Variants in THSD7B observed in about 807,000 individuals in gnomAD.
THSD7B encodes the protein thrombospondin type 1 domain containing 7B.
A neutral mutation model predicts 213.6 loss-of-function variants in THSD7B; 138 were observed. The observed-to-expected ratio is 0.65, with a 90% CI of 0.56 to 0.74. The LOEUF is 0.74. THSD7B is among the 30% of genes least tolerant of loss of function. The pLI, the probability that THSD7B is intolerant of heterozygous loss-of-function variation, is 0.00. For synonymous variants in THSD7B, 742 were observed against 687.0 expected (o/e 1.08, Z -1.25); for missense variants, 1,931 against 1,991.5 (o/e 0.97, Z 0.58).
chr2:136,926,282 T>C (rs1218610878), intron 2 of THSD7B, among the ~76,000 whole-genome samples: 1 of 152,162 alleles, frequency 6.6e-6, no homozygotes, highest in Non-Finnish European at 1.5e-5. Context: ...TCTACTTTTT[T>C]TTTATATTGG....
chr2:137,213,829 G>A (rs1008068122), intron 7 of THSD7B, among the ~76,000 whole-genome samples: 1 of 152,048 alleles, frequency 6.6e-6, no homozygotes, highest in African/African-American at 2.4e-5. Context: ...AGGTAGAGTT[G>A]GCTCACAGAG....
chr2:137,072,425 A>T (rs561191710), intron 3 of THSD7B, among the ~76,000 whole-genome samples: 1 of 151,940 alleles, frequency 6.6e-6, no homozygotes, highest in Admixed American at 6.6e-5. Context: ...GGTGTATAAG[A>T]ATGCTTGTGA....
intron 2 of THSD7B, among the ~76,000 whole-genome samples, chr2:136,980,435 C>A (rs1158012282): frequency 6.6e-6 from 1 of 152,144 alleles, no homozygotes; most frequent in Non-Finnish European, 1.5e-5. Flanking sequence ...TCCATAAAGC[C>A]CTGGCTGGAG....
intron 2 of THSD7B, among the ~76,000 whole-genome samples, chr2:137,031,831 C>CTTT (rs542117596): frequency 7.3e-6 from 1 of 137,146 alleles, no homozygotes; most frequent in South Asian, 2.4e-4. Flanking sequence ...CTTTTCTTTC[C>CTTT]TTTTTTTTTT....
intron 1 of THSD7B, among the ~76,000 whole-genome samples, chr2:136,847,439 G>A (rs1333413645): frequency 6.6e-6 from 1 of 152,176 alleles, no homozygotes; most frequent in East Asian, 1.9e-4. Flanking sequence ...TGGAAAGTTT[G>A]GGGGTGATTT....
At chr2:137,106,798 C>T (rs10204258) in intron 4 of THSD7B, among the ~76,000 whole-genome samples, 15 of 152,196 alleles carry the variant, frequency 9.9e-5, no homozygotes, top group East Asian at 1.9e-4. Flanking sequence ...AAAAGCTCAT[C>T]GTCACTGGTC....
At position 136,833,270 on chromosome 2, in the gene THSD7B, C is replaced by A. The variant is rs1286026470; in HGVS notation, c.-35-48874C>A. 2.2e-4 allele frequency among the ~76,000 whole-genome samples: 27 copies of A among 123,030 alleles called. No homozygotes were observed. In the Admixed American group the frequency reaches 2.6e-3, roughly 12 times the overall value. 80.7% of individuals were successfully genotyped at this position (123,030 alleles called of 152,430 possible). The stretch of plus-strand genomic sequence containing the variant: ...GTCCCAGCTACTCGGGAGGCTGAGG[C>A]AGGAGAATGGTGTTAACCTGGGAGG... On this transcript the variant is annotated intron_variant, in intron 1 of 27. Transcript: ENST00000409968.
intron 7 of THSD7B, among the ~76,000 whole-genome samples, chr2:137,227,311 A>G (rs1407406987): frequency 1.3e-5 from 2 of 152,172 alleles, no homozygotes; most frequent in Admixed American, 1.3e-4. Context: ...CTATTCCACA[A>G]GGAGAGAACA....
At chr2:137,391,730 A>C (rs765886433) in intron 12 of THSD7B, among the ~76,000 whole-genome samples, 2 of 149,820 alleles carry the variant, frequency 1.3e-5, no homozygotes, top group African/African-American at 4.9e-5. Context: ...ACTCTTTTGC[A>C]TGCTACTTTT....
At chr2:137,024,858 A>T (rs1018903163) in intron 2 of THSD7B, among the ~76,000 whole-genome samples, 3 of 152,168 alleles carry the variant, frequency 2.0e-5, no homozygotes, top group African/African-American at 7.2e-5. Flanking sequence ...TCTTATCTGT[A>T]TGCAAACCCT....
At chr2:137,645,172 G>C (rs2104865017) in intron 21 of THSD7B, among the ~76,000 whole-genome samples, 1 of 152,244 alleles carries the variant, frequency 6.6e-6, no homozygotes, top group East Asian at 1.9e-4. Context: ...GGTTATGTGG[G>C]CAGGAAGTAG....
chr2:137,338,640 T>TA (rs1684693734), intron 12 of THSD7B, among the ~76,000 whole-genome samples: 1 of 152,086 alleles, frequency 6.6e-6, no homozygotes, highest in Non-Finnish European at 1.5e-5. Flanking sequence ...TTAAAACCAA[T>TA]AAAATTCAAA....
intron 12 of THSD7B, among the ~76,000 whole-genome samples, chr2:137,403,113 G>A (rs1337088102): frequency 6.6e-6 from 1 of 151,992 alleles, no homozygotes; most frequent in Admixed American, 6.6e-5. Context: ...TTGTCCCTGC[G>A]ACGTGGATAA....
intron 14 of THSD7B, 62 bp from the exon 15 acceptor site, chr2:137,450,783 G>A (rs528714201): frequency 9.7e-6 from 12 of 1,240,476 alleles, no homozygotes; most frequent in Non-Finnish European, 1.3e-5. Context: ...CATGGAAATA[G>A]AAAGTGAATT....
chr2:137,126,030 G>T (rs1688624067), intron 5 of THSD7B, among the ~76,000 whole-genome samples: 1 of 152,152 alleles, frequency 6.6e-6, no homozygotes, highest in Non-Finnish European at 1.5e-5. Context: ...AAATAGATAT[G>T]TTGGGGTTTG....
At chr2:136,923,030 C>T (rs1444471528) in intron 2 of THSD7B, among the ~76,000 whole-genome samples, 10 of 152,180 alleles carry the variant, frequency 6.6e-5, no homozygotes, top group African/African-American at 2.4e-4. Context: ...GTGTTAAGTA[C>T]ATACACATTG....
chr2:137,144,871 A>G (rs755959396), intron 5 of THSD7B, among the ~76,000 whole-genome samples: 85 of 152,244 alleles, frequency 5.6e-4, no homozygotes, highest in Middle Eastern at 3.4e-3. Flanking sequence ...ATAAAAATGA[A>G]TGAACTAAGC....
chr2:137,503,255 C>G (rs1396325518), intron 15 of THSD7B, among the ~76,000 whole-genome samples: 1 of 152,072 alleles, frequency 6.6e-6, no homozygotes, highest in Non-Finnish European at 1.5e-5. Context: ...GTTGTATACA[C>G]TTGTGTAAGT....
At chr2:137,283,570 C>G (rs1040098167) in intron 12 of THSD7B, among the ~76,000 whole-genome samples, 4 of 152,244 alleles carry the variant, frequency 2.6e-5, no homozygotes, top group Non-Finnish European at 4.4e-5. Flanking sequence ...TGAGATACTT[C>G]CCATCAATAG....
Sources: gnomAD v4.1 joint callset for allele counts (sites outside exome capture counted in the v4.1 genomes callset) on GRCh38, gnomAD v4.1.1 for gene constraint, MANE v1.5 for transcripts, NCBI Gene and HGNC (gene_info 2026-07-23, HGNC 2026-07-21) for gene names.